Variants in MTMR7 observed in about 807,000 individuals in gnomAD.
The protein encoded by MTMR7 is phosphatidylinositol-3-phosphate phosphatase MTMR7.
A neutral mutation model predicts 81.2 loss-of-function variants in MTMR7; 76 were observed. The ratio of observed to expected loss-of-function variants is 0.94; its 90% CI spans 0.78 to 1.13. The LOEUF is 1.13. MTMR7 is among the 50% of genes most tolerant of loss of function. MTMR7 has a pLI of 0.00. For missense variants in MTMR7, 1,044 were observed against 820.0 expected (o/e 1.27, Z -3.34); for synonymous variants, 372 against 289.8 (o/e 1.28, Z -2.88).
intron 3 of MTMR7, among the ~76,000 whole-genome samples, chr8:17,365,363 T>C (rs1022773247): frequency 2.6e-5 from 4 of 152,226 alleles, no homozygotes; most frequent in African/African-American, 9.6e-5. Flanking sequence ...CAATTTCCTT[T>C]GTTATGCAGA....
intron 1 of MTMR7, among the ~76,000 whole-genome samples, chr8:17,396,744 T>G (rs1821265061): frequency 1.3e-5 from 2 of 151,922 alleles, no homozygotes; most frequent in South Asian, 4.2e-4. Context: ...AGACACAAGC[T>G]GGGGTGGCTA....
chr8:17,356,052 T>C (rs1392596764), intron 4 of MTMR7, among the ~76,000 whole-genome samples: 1 of 152,236 alleles, frequency 6.6e-6, no homozygotes, highest in East Asian at 1.9e-4. Context: ...CCCACTTTCA[T>C]CCTTGTGTCC....
chr8:17,383,568 T>C (rs1335993257), intron 1 of MTMR7, among the ~76,000 whole-genome samples: 2 of 152,234 alleles, frequency 1.3e-5, no homozygotes, highest in African/African-American at 4.8e-5. Flanking sequence ...AGTCTGGGTC[T>C]AATATTGCAA....
chr8:17,331,236 T>C lies in MTMR7; in HGVS notation c.779A>G (p.Glu260Gly). The change falls in exon 7 of 14, where the codon GAA becomes GGA. Residue 260 changes from glutamate (E) to glycine (G), a missense_variant. By Grantham distance (98) the Glu-to-Gly change is moderately conservative. Transcript: ENST00000180173. Reference sequence around the variant, plus strand: ...AAACTTGATATTGGAATAATTGTCTTCATTCTCATAGCCTTTCCCTGCAGC... The same window carrying C: ...AAACTTGATATTGGAATAATTGTCTCCATTCTCATAGCCTTTCCCTGCAGC... Reference protein sequence around the residue: ...NRAAGKGYENEDNYSNIKFQF... With the variant: ...NRAAGKGYENGDNYSNIKFQF... 2 of 1,612,476 alleles carry C rather than the reference T, an allele frequency of 1.2e-6. No homozygotes were observed. The highest frequency in any genetic ancestry group is 1.7e-6 in the Non-Finnish European group (2 of 1,179,466).
chr8:17,374,252 G>A (rs1322978499), intron 1 of MTMR7, among the ~76,000 whole-genome samples: 6 of 152,232 alleles, frequency 3.9e-5, no homozygotes, highest in African/African-American at 7.2e-5. Flanking sequence ...TTGGGAAGCC[G>A]AGGCGAGTGG....
At chr8:17,359,875 C>T (rs1032896994) in intron 4 of MTMR7, among the ~76,000 whole-genome samples, 1 of 152,094 alleles carries the variant, frequency 6.6e-6, no homozygotes, top group African/African-American at 2.4e-5. Flanking sequence ...TTGGTACAAC[C>T]TTTCCACAAT....
intron 1 of MTMR7, among the ~76,000 whole-genome samples, chr8:17,406,031 T>C (rs1276039083): frequency 6.6e-6 from 1 of 152,216 alleles, no homozygotes; most frequent in Non-Finnish European, 1.5e-5. Flanking sequence ...TACTATTTTC[T>C]TTCTGCTCCT....
At chr8:17,301,934 G>A in intron 13 of MTMR7, 3 of 458,396 alleles carry the variant, frequency 6.5e-6, no homozygotes, top group Non-Finnish European at 1.1e-5. Flanking sequence ...CCAAAAATTT[G>A]TGGAACTGAG....
chr8:17,328,319 C>G (rs1476452459), intron 7 of MTMR7, among the ~76,000 whole-genome samples: 1 of 152,168 alleles, frequency 6.6e-6, no homozygotes, highest in African/African-American at 2.4e-5. Flanking sequence ...CCACTTCCTC[C>G]CCAACACCCA....
At chr8:17,382,376 T>C (rs527776122) in intron 1 of MTMR7, among the ~76,000 whole-genome samples, 1 of 152,328 alleles carries the variant, frequency 6.6e-6, no homozygotes, top group Admixed American at 6.5e-5. Flanking sequence ...TCTTCTTTTT[T>C]GCTTCTCTTG....
rs1563303069 is a variant in MTMR7 at position 17,297,274 on chromosome 8, C to CAATCA, written c.*2583_*2587dup. On this transcript the variant is annotated 3_prime_UTR_variant, in exon 14 of 14. Coordinates refer to ENST00000180173, the MANE Select transcript of MTMR7 (RefSeq NM_004686.5). Reference sequence around the variant, plus strand: ...CTTAAAATAGAAGAAAATTCTAAATCAATCAATCAGTGAGATATAAACTAA... The same window carrying CAATCA: ...CTTAAAATAGAAGAAAATTCTAAATCAATCAAATCAATCAGTGAGATATAAACTAA... 6.6e-6 allele frequency: 1 copy of CAATCA among 151,970 alleles called. No individual in the cohort carries two copies. The highest frequency in any genetic ancestry group is 1.5e-5 in the Non-Finnish European group (1 of 67,926). 9.4% of individuals were successfully genotyped at this position (151,970 alleles called of 1,614,324 possible).
intron 1 of MTMR7, among the ~76,000 whole-genome samples, chr8:17,403,196 G>A (rs1821478749): frequency 6.6e-6 from 1 of 151,978 alleles, no homozygotes; most frequent in African/African-American, 2.4e-5. Flanking sequence ...CCATTCTGTG[G>A]GTTGTCTCTT....
At chr8:17,346,333 C>T (rs901192023) in intron 5 of MTMR7, among the ~76,000 whole-genome samples, 6 of 152,164 alleles carry the variant, frequency 3.9e-5, no homozygotes, top group South Asian at 2.1e-4. Context: ...AACCCGATCA[C>T]GCAGCGCTGC....
chr8:17,365,289 T>A (rs1380418329), intron 3 of MTMR7, among the ~76,000 whole-genome samples: 1 of 152,234 alleles, frequency 6.6e-6, no homozygotes, highest in Non-Finnish European at 1.5e-5. Context: ...TAGAGTTGTT[T>A]GAGTTCCTGA....
intron 1 of MTMR7, among the ~76,000 whole-genome samples, chr8:17,378,499 T>C (rs1820659030): frequency 6.6e-6 from 1 of 152,164 alleles, no homozygotes; most frequent in African/African-American, 2.4e-5. Context: ...CATCTATACA[T>C]ATATGCTGTA....
chr8:17,399,840 G>C (rs1821369829), intron 1 of MTMR7, among the ~76,000 whole-genome samples: 1 of 136,058 alleles, frequency 7.3e-6, no homozygotes, highest in Middle Eastern at 3.5e-3. Flanking sequence ...AGAAAACATA[G>C]TACATATATA....
At chr8:17,369,746 C>T (rs534999796) in intron 3 of MTMR7, among the ~76,000 whole-genome samples, 2 of 148,922 alleles carry the variant, frequency 1.3e-5, no homozygotes, top group African/African-American at 2.5e-5. Context: ...CCCAGGTTCA[C>T]GCCATCCTCC....
chr8:17,335,185 C>G (rs917869717), intron 6 of MTMR7, among the ~76,000 whole-genome samples: 1 of 152,146 alleles, frequency 6.6e-6, no homozygotes, highest in Non-Finnish European at 1.5e-5. Flanking sequence ...CGGAAAACCT[C>G]AGCGCTGACA....
intron 1 of MTMR7, among the ~76,000 whole-genome samples, chr8:17,392,324 TAATA>T (rs758495302): frequency 3.3e-5 from 5 of 152,154 alleles, no homozygotes. Flanking sequence ...CAAAATTTAC[TAATA>T]AATAAATAAA....
Sources: gnomAD v4.1 joint callset for allele counts (sites outside exome capture counted in the v4.1 genomes callset) on GRCh38, gnomAD v4.1.1 for gene constraint, MANE v1.5 for transcripts, NCBI Gene and HGNC (gene_info 2026-07-23, HGNC 2026-07-21) for gene names.